Variants in TNRC6B observed in about 807,000 individuals in gnomAD.
TNRC6B encodes trinucleotide repeat-containing gene 6B protein.
In TNRC6B, 52 loss-of-function variants were observed where a neutral mutation model predicts 203.6. The ratio of observed to expected loss-of-function variants is 0.26; its 90% CI spans 0.20 to 0.32. TNRC6B has a LOEUF of 0.32. Among genes scored for constraint, TNRC6B ranks in the 10% least tolerant of loss-of-function variants. TNRC6B has a pLI of 1.00. For missense variants in TNRC6B, 1,923 were observed against 2,286.2 expected, an observed-to-expected ratio of 0.84 and a Z score of 3.24; for synonymous variants, 838 against 845.7, an observed-to-expected ratio of 0.99 and a Z score of 0.16.
At position 40,330,649 on chromosome 22, in the gene TNRC6B, G is replaced by C. The variant is rs2071455213; in HGVS notation, c.*7408G>C. On this transcript the variant is annotated 3_prime_UTR_variant, in exon 23 of 23. Coordinates refer to ENST00000454349, the MANE Select transcript of TNRC6B (RefSeq NM_001162501.2). ...TTTTGGGATAAGTTGGAATAAATGT[G>C]TTTAAAACATCATCCACCGCCCTTT... 6.6e-6 allele frequency: 1 copy of C among 152,652 alleles called. No homozygotes were observed. Among genetic ancestry groups the C allele is most frequent in the African/African-American group, 2.4e-5 (1 of 41,454 alleles). The allele number at this position is 152,652 out of a possible 1,614,324, so 9.5% of individuals were successfully genotyped here. A position where few individuals can be genotyped will look rare whatever the true frequency, so the allele number is the denominator to read the frequency against.
At chr22:40,070,438 A>C (rs1025281186) in intron 1 of TNRC6B, among the ~76,000 whole-genome samples, 1 of 152,188 alleles carries the variant, frequency 6.6e-6, no homozygotes, top group Non-Finnish European at 1.5e-5. Context: ...AAGCTCGTTG[A>C]CAGAGATCTG....
chr22:40,162,672 T>C (rs2068881301), intron 4 of TNRC6B, among the ~76,000 whole-genome samples: 1 of 152,328 alleles, frequency 6.6e-6, no homozygotes, highest in South Asian at 2.1e-4. Context: ...CTTTAAACCA[T>C]TATAATATGT....
chr22:40,134,498 A>G (rs1471323107), intron 3 of TNRC6B, among the ~76,000 whole-genome samples: 1 of 152,196 alleles, frequency 6.6e-6, no homozygotes, highest in Admixed American at 6.6e-5. Flanking sequence ...GGTATTCTGG[A>G]TGGGATCCTG....
At chr22:40,198,777 G>A (rs185139807) in intron 1 of TNRC6B, among the ~76,000 whole-genome samples, 161 of 152,174 alleles carry the variant, frequency 1.1e-3, no homozygotes, top group Non-Finnish European at 1.7e-3. Flanking sequence ...TTTGCAAAAG[G>A]CATGCATGCA....
chr22:40,204,139 T>C (rs1009625873), intron 1 of TNRC6B, among the ~76,000 whole-genome samples: 3 of 152,230 alleles, frequency 2.0e-5, no homozygotes, highest in African/African-American at 7.2e-5. Context: ...CCACCACATC[T>C]CTTTAATTTT....
intron 5 of TNRC6B, among the ~76,000 whole-genome samples, chr22:40,269,196 C>T (rs999614869): frequency 7.4e-5 from 9 of 121,266 alleles, no homozygotes; most frequent in Non-Finnish European, 1.1e-4. Context: ...TGCAGTGGCG[C>T]AATCTTGGCT....
chr22:40,230,111 G>T (rs1032440953), intron 1 of TNRC6B, among the ~76,000 whole-genome samples: 1 of 152,092 alleles, frequency 6.6e-6, no homozygotes, highest in Admixed American at 6.6e-5. Context: ...TTGGAATGGT[G>T]AGTCTTTTTA....
At chr22:40,308,792 T>C in intron 16 of TNRC6B, 143 bp downstream of exon 16, 1 of 996,446 alleles carries the variant, frequency 1.0e-6, no homozygotes, top group East Asian at 2.6e-5. Flanking sequence ...GTCAGAGTCA[T>C]GTGTATGTTG....
chr22:40,318,406 G>T (rs537971659), intron 21 of TNRC6B, among the ~76,000 whole-genome samples: 1 of 152,258 alleles, frequency 6.6e-6, no homozygotes, highest in East Asian at 1.9e-4. Context: ...AATTAGCCGG[G>T]TGTGGTGGTG....
intron 6 of TNRC6B, among the ~76,000 whole-genome samples, chr22:40,272,111 G>A (rs965213925): frequency 8.5e-5 from 13 of 152,092 alleles, no homozygotes; most frequent in African/African-American, 2.9e-4. Context: ...GCCTATGCTT[G>A]TATAATATAA....
chr22:40,230,813 T>A (rs1361112590), intron 1 of TNRC6B, among the ~76,000 whole-genome samples: 1 of 152,166 alleles, frequency 6.6e-6, no homozygotes. Flanking sequence ...AAATAATTTT[T>A]CTAACATAGG....
intron 1 of TNRC6B, among the ~76,000 whole-genome samples, chr22:40,095,909 G>A (rs1005646543): frequency 1.4e-4 from 22 of 151,898 alleles, no homozygotes; most frequent in Admixed American, 6.6e-5. Flanking sequence ...TGCTCAAGGC[G>A]GATGTTATTG....
At chr22:40,243,112 A>T (rs2070054949) in intron 1 of TNRC6B, among the ~76,000 whole-genome samples, 1 of 151,622 alleles carries the variant, frequency 6.6e-6, no homozygotes, top group African/African-American at 2.4e-5. Context: ...CTCGCAATCC[A>T]CCCGTCTCGG....
At chr22:40,317,623 T>G (rs1335307271) in intron 21 of TNRC6B, among the ~76,000 whole-genome samples, 2 of 152,220 alleles carry the variant, frequency 1.3e-5, no homozygotes, top group African/African-American at 4.8e-5. Flanking sequence ...CTCCGTCTAT[T>G]ATCCTCTTCA....
intron 1 of TNRC6B, among the ~76,000 whole-genome samples, chr22:40,053,906 A>T (rs1429313819): frequency 6.6e-6 from 1 of 152,194 alleles, no homozygotes; most frequent in Non-Finnish European, 1.5e-5. Context: ...AAATCTGATC[A>T]TATTTCTCCC....
intron 1 of TNRC6B, among the ~76,000 whole-genome samples, chr22:40,073,782 G>A (rs545842324): frequency 1.3e-5 from 2 of 152,222 alleles, no homozygotes; most frequent in Non-Finnish European, 2.9e-5. Context: ...CCAGGGCTGG[G>A]TGCGGTGGCT....
intron 3 of TNRC6B, among the ~76,000 whole-genome samples, chr22:40,251,516 T>C (rs2070193224): frequency 6.6e-6 from 1 of 152,132 alleles, no homozygotes; most frequent in South Asian, 2.1e-4. Context: ...GTCGGGAGTT[T>C]GAGACCAACC....
intron 1 of TNRC6B, among the ~76,000 whole-genome samples, chr22:40,085,500 TTGG>T (rs2068092799): frequency 1.3e-5 from 2 of 152,204 alleles, no homozygotes; most frequent in South Asian, 4.1e-4. Context: ...AAAAAGAAAC[TTGG>T]TTGTTTGTCC....
intron 3 of TNRC6B, among the ~76,000 whole-genome samples, chr22:40,149,635 A>C (rs929066293): frequency 1.4e-5 from 2 of 145,084 alleles, no homozygotes; most frequent in Non-Finnish European, 3.0e-5. Flanking sequence ...GCGCCATTGC[A>C]CTACAGCCTG....
Sources: gnomAD v4.1 joint callset for allele counts (sites outside exome capture counted in the v4.1 genomes callset) on GRCh38, gnomAD v4.1.1 for gene constraint, MANE v1.5 for transcripts, NCBI Gene and HGNC (gene_info 2026-07-23, HGNC 2026-07-21) for gene names.